The following CLSTN2 variants were observed in gnomAD, a reference collection of about 807,000 sequenced individuals.
CLSTN2 encodes the protein calsyntenin-2.
Under a neutral mutation model 101.2 loss-of-function variants are expected in CLSTN2, and 48 were observed. That is an observed-to-expected ratio of 0.47 (90% confidence interval 0.38 to 0.60). The LOEUF is 0.60. Ranked by LOEUF, CLSTN2 falls within the 20% of genes least tolerant of loss-of-function variation. The probability of loss-of-function intolerance (pLI) is 0.00; values close to 1 mark genes in which losing one functional copy is unlikely to be tolerated. For synonymous variants in CLSTN2, 481 were observed against 463.6 expected (o/e 1.04, Z -0.48); for missense variants, 1,160 against 1,238.2 (o/e 0.94, Z 0.95).
chr3:140,190,099 T>C (rs1045911868), intron 2 of CLSTN2, among the ~76,000 whole-genome samples: 3 of 152,194 alleles, frequency 2.0e-5, no homozygotes, highest in African/African-American at 4.8e-5. Flanking sequence ...ATTTTACTTA[T>C]GAGGGCTCTG....
intron 2 of CLSTN2, among the ~76,000 whole-genome samples, chr3:140,232,572 C>T (rs1405074468): frequency 6.6e-6 from 1 of 152,106 alleles, no homozygotes; most frequent in East Asian, 1.9e-4. Context: ...ACCTCCTGCC[C>T]AGATCTCCCT....
intron 1 of CLSTN2, among the ~76,000 whole-genome samples, chr3:140,154,499 T>C (rs1253994627): frequency 2.0e-5 from 3 of 152,066 alleles, no homozygotes; most frequent in Non-Finnish European, 2.9e-5. Flanking sequence ...ACCTGAGACC[T>C]GGTAATTTAC....
At chr3:140,377,042 A>AGAGAGAGAGAGAGAGAGGATG (rs143529942) in intron 2 of CLSTN2, among the ~76,000 whole-genome samples, 16 of 149,802 alleles carry the variant, frequency 1.1e-4, no homozygotes, top group Admixed American at 2.0e-4. Flanking sequence ...GAGAGAGAGG[A>AGAGAGAGAGAGAGAGAGGATG]TGTGTGTGTG....
intron 6 of CLSTN2, among the ~76,000 whole-genome samples, chr3:140,450,297 C>A (rs1323148734): frequency 6.6e-6 from 1 of 152,154 alleles, no homozygotes; most frequent in Non-Finnish European, 1.5e-5. Flanking sequence ...AGCTCAGTAT[C>A]CACTAAGGCT....
intron 11 of CLSTN2, among the ~76,000 whole-genome samples, chr3:140,558,247 A>G (rs1935839750): frequency 6.6e-6 from 1 of 152,274 alleles, no homozygotes; most frequent in South Asian, 2.1e-4. Context: ...AGGAGAGTTT[A>G]GCCCTGGGGT....
intron 9 of CLSTN2, among the ~76,000 whole-genome samples, chr3:140,541,892 C>G (rs1935487053): frequency 1.3e-5 from 2 of 152,170 alleles, no homozygotes; most frequent in East Asian, 1.9e-4. Context: ...GGAAACCACA[C>G]CAGGCAGAGA....
intron 2 of CLSTN2, among the ~76,000 whole-genome samples, chr3:140,192,940 A>T (rs1177289047): frequency 6.6e-6 from 1 of 151,696 alleles, no homozygotes; most frequent in African/African-American, 2.4e-5. Context: ...TTTTGAGTGT[A>T]TCTTTTTGTA....
intron 1 of CLSTN2, among the ~76,000 whole-genome samples, chr3:140,101,587 G>C (rs1011294689): frequency 2.6e-5 from 4 of 152,146 alleles, no homozygotes; most frequent in African/African-American, 2.4e-5. Flanking sequence ...CTGTATACTA[G>C]TCAGAATAGC....
At chr3:140,499,974 G>A (rs1476500915) in intron 8 of CLSTN2, among the ~76,000 whole-genome samples, 1 of 152,144 alleles carries the variant, frequency 6.6e-6, no homozygotes, top group African/African-American at 2.4e-5. Context: ...GGCTGAGGCG[G>A]GAGAATGGTG....
At chr3:140,241,874 T>TACACACACACACACAC (rs1402235729) in intron 2 of CLSTN2, among the ~76,000 whole-genome samples, 3 of 60,030 alleles carry the variant, frequency 5.0e-5, no homozygotes, top group Admixed American at 1.3e-4. Flanking sequence ...TATACACATA[T>TACACACACACACACAC]ATATATACAC....
chr3:140,129,108 G>A (rs1337427929), intron 1 of CLSTN2, among the ~76,000 whole-genome samples: 6 of 152,030 alleles, frequency 3.9e-5, no homozygotes, highest in African/African-American at 9.7e-5. Flanking sequence ...TTCCCCTGAT[G>A]TCAGCATAGA....
At chr3:140,016,551 A>G (rs2007205102) in intron 1 of CLSTN2, among the ~76,000 whole-genome samples, 1 of 152,156 alleles carries the variant, frequency 6.6e-6, no homozygotes, top group Non-Finnish European at 1.5e-5. Context: ...CTGTAATCCC[A>G]GGACTTTGGG....
intron 2 of CLSTN2, among the ~76,000 whole-genome samples, chr3:140,311,511 C>A (rs1435122628): frequency 6.7e-6 from 1 of 149,416 alleles, no homozygotes; most frequent in African/African-American, 2.5e-5. Context: ...GGGGTTTCAC[C>A]ATGTTGGCCA....
chr3:140,379,882 G>A (rs572091293), intron 2 of CLSTN2, among the ~76,000 whole-genome samples: 3 of 152,252 alleles, frequency 2.0e-5, no homozygotes, highest in Admixed American at 2.0e-4. Context: ...AAAGAAGACT[G>A]TGGAAGTAAA....
At chr3:140,302,956 T>C (rs2087075301) in intron 2 of CLSTN2, among the ~76,000 whole-genome samples, 2 of 152,174 alleles carry the variant, frequency 1.3e-5, no homozygotes, top group African/African-American at 4.8e-5. Context: ...TCCTCCGCCA[T>C]TGCTGAGTTC....
At chr3:140,164,761 G>T (rs2010107095) in intron 1 of CLSTN2, among the ~76,000 whole-genome samples, 1 of 152,122 alleles carries the variant, frequency 6.6e-6, no homozygotes. Flanking sequence ...CTACCCAAAA[G>T]GATATTGCCA....
intron 9 of CLSTN2, among the ~76,000 whole-genome samples, chr3:140,534,365 T>G (rs142034788): frequency 1.3e-5 from 2 of 152,134 alleles, no homozygotes; most frequent in Non-Finnish European, 2.9e-5. Flanking sequence ...CCCACCCCCA[T>G]GTCTGCAAGG....
At chr3:140,331,066 A>G (rs1175449834) in intron 2 of CLSTN2, among the ~76,000 whole-genome samples, 1 of 152,182 alleles carries the variant, frequency 6.6e-6, no homozygotes, top group Admixed American at 6.5e-5. Flanking sequence ...GGCTCAGTCC[A>G]TCTCCAAAAG....
At chr3:140,391,092 CG>C (rs1053655858) in intron 2 of CLSTN2, among the ~76,000 whole-genome samples, 5 of 152,146 alleles carry the variant, frequency 3.3e-5, no homozygotes, top group Non-Finnish European at 7.3e-5. Flanking sequence ...GACTTGGAAA[CG>C]GTTTAAACAC....
Sources: gnomAD v4.1 joint callset for allele counts (sites outside exome capture counted in the v4.1 genomes callset) on GRCh38, gnomAD v4.1.1 for gene constraint, MANE v1.5 for transcripts, NCBI Gene and HGNC (gene_info 2026-07-23, HGNC 2026-07-21) for gene names.